ROBO2: variants seen among roughly 807,000 people sequenced by gnomAD.
ROBO2 encodes the protein roundabout guidance receptor 2, also known as roundabout homolog 2.
ROBO2 carries 53 observed loss-of-function variants against 160.8 expected under a neutral mutation model. That is an observed-to-expected ratio of 0.33 (90% CI 0.26 to 0.41). The LOEUF (loss-of-function observed/expected upper bound fraction) is 0.41, where lower values mean the gene tolerates loss of function less well. Ranked by LOEUF, ROBO2 falls within the 10% of genes least tolerant of loss-of-function variation. The pLI is 1.00. For synonymous variants in ROBO2, 664 were observed against 611.7 expected (o/e 1.09, Z -1.26); for missense variants, 1,577 against 1,722.4 (o/e 0.92, Z 1.49).
intron 2 of ROBO2, among the ~76,000 whole-genome samples, chr3:76,279,693 C>T (rs147547757): frequency 0.087 from 13,180 of 151,614 alleles, 1,038 homozygotes; most frequent in African/African-American, 0.2. Flanking sequence ...CTTTAATTAG[C>T]GAATATTAGA....
chr3:76,813,916 A>G (rs575969041), intron 2 of ROBO2, among the ~76,000 whole-genome samples: 2 of 152,190 alleles, frequency 1.3e-5, no homozygotes, highest in Admixed American at 6.6e-5. Context: ...AAGCTTTAAT[A>G]TAATAATATA....
At chr3:76,739,298 C>A (rs1281526346) in intron 2 of ROBO2, among the ~76,000 whole-genome samples, 1 of 152,024 alleles carries the variant, frequency 6.6e-6, no homozygotes, top group Non-Finnish European at 1.5e-5. Flanking sequence ...TACTATGCAG[C>A]CATAAAAAAT....
chr3:76,145,175 C>A (rs2106793696), intron 2 of ROBO2, among the ~76,000 whole-genome samples: 1 of 151,948 alleles, frequency 6.6e-6, no homozygotes, highest in South Asian at 2.1e-4. Context: ...TCTCCCAATG[C>A]AGTAGGCAAA....
intron 2 of ROBO2, among the ~76,000 whole-genome samples, chr3:76,608,522 T>C (rs11924129): frequency 0.33 from 49,499 of 152,028 alleles, 8,896 homozygotes; most frequent in Middle Eastern, 0.44. Context: ...CTAGGATGGT[T>C]TGGACAATCA....
intron 1 of ROBO2, among the ~76,000 whole-genome samples, chr3:77,061,559 G>A (rs745790224): frequency 6.6e-6 from 1 of 152,170 alleles, no homozygotes; most frequent in African/African-American, 2.4e-5. Context: ...TCTTCCTTCT[G>A]TCTGTAGGTC....
chr3:76,815,309 T>C (rs2065566140), intron 2 of ROBO2, among the ~76,000 whole-genome samples: 1 of 152,020 alleles, frequency 6.6e-6, no homozygotes, highest in South Asian at 2.1e-4. Flanking sequence ...CACATCTCTG[T>C]GGAATTTAGG....
At position 76,150,362 on chromosome 3, in the gene ROBO2, A is replaced by G. The variant is rs78488819; in HGVS notation, c.109+212760A>G. On this transcript the variant is annotated intron_variant, in intron 2 of 26. Transcript: ENST00000487694. Reference sequence around the variant, plus strand: ...TGTCTAAAGCACACATCTGTCTAAAACACACATCTGTCTAAAGCACACCTT... The same window carrying G: ...TGTCTAAAGCACACATCTGTCTAAAGCACACATCTGTCTAAAGCACACCTT... Among the ~76,000 whole-genome samples, 26 of 132,038 alleles carry G rather than the reference A, an allele frequency of 2.0e-4. 1 individual carries two copies. The highest frequency in any genetic ancestry group is 3.6e-4 in the Non-Finnish European group (23 of 63,948). The allele number at this position is 132,038 out of a possible 152,430, so 86.6% of individuals were successfully genotyped here.
At chr3:76,528,292 C>T (rs2082048175) in intron 2 of ROBO2, among the ~76,000 whole-genome samples, 1 of 152,016 alleles carries the variant, frequency 6.6e-6, no homozygotes, top group African/African-American at 2.4e-5. Flanking sequence ...GTGAGATGTA[C>T]AGACAGGCAA....
chr3:77,138,951 A>T (rs906636463), intron 2 of ROBO2, among the ~76,000 whole-genome samples: 1 of 152,194 alleles, frequency 6.6e-6, no homozygotes, highest in Non-Finnish European at 1.5e-5. Flanking sequence ...GTTGCAAAGC[A>T]TGAGGGTCTC....
chr3:76,922,331 T>C (rs1018706768), intron 2 of ROBO2, among the ~76,000 whole-genome samples: 19 of 152,244 alleles, frequency 1.2e-4, no homozygotes, highest in African/African-American at 4.6e-4. Flanking sequence ...ATGCCTAATG[T>C]ACAAGTTATG....
At chr3:76,042,291 G>C (rs1286218147) in intron 2 of ROBO2, among the ~76,000 whole-genome samples, 1 of 151,954 alleles carries the variant, frequency 6.6e-6, no homozygotes, top group African/African-American at 2.4e-5. Context: ...TAAGAACTTT[G>C]CTAATAGTTG....
chr3:75,982,835 A>G (rs2065313848), intron 2 of ROBO2, among the ~76,000 whole-genome samples: 1 of 151,430 alleles, frequency 6.6e-6, no homozygotes, highest in African/African-American at 2.4e-5. Flanking sequence ...AAGTCCTCAG[A>G]ATTTAAGATT....
At chr3:76,603,364 A>AT (rs2087382594) in intron 2 of ROBO2, among the ~76,000 whole-genome samples, 1 of 131,400 alleles carries the variant, frequency 7.6e-6, no homozygotes, top group Non-Finnish European at 1.6e-5. Context: ...ATATATATAT[A>AT]TATATATATA....
intron 2 of ROBO2, among the ~76,000 whole-genome samples, chr3:76,272,980 T>TTTATATATAAA (rs1559706804): frequency 9.1e-5 from 6 of 66,178 alleles, no homozygotes; most frequent in Non-Finnish European, 1.6e-4. Flanking sequence ...AAAATATATA[T>TTTATATATAAA]AATATATAAT....
chr3:77,442,196 C>A (rs2080002972), intron 2 of ROBO2, among the ~76,000 whole-genome samples: 1 of 152,024 alleles, frequency 6.6e-6, no homozygotes, highest in Admixed American at 6.6e-5. Context: ...CCTGTAGTCC[C>A]AGCTACTCGG....
At chr3:76,376,357 T>C (rs536146012) in intron 2 of ROBO2, among the ~76,000 whole-genome samples, 10 of 152,212 alleles carry the variant, frequency 6.6e-5, no homozygotes, top group African/African-American at 2.4e-4. Flanking sequence ...CCAGGGTTTG[T>C]CCAAATATAG....
chr3:77,328,074 A>G (rs1468442270), intron 2 of ROBO2, among the ~76,000 whole-genome samples: 2 of 150,722 alleles, frequency 1.3e-5, no homozygotes, highest in Admixed American at 1.3e-4. Flanking sequence ...AAAAAAAAAA[A>G]AAAAAAGAAA....
At chr3:76,303,261 CTA>C (rs1432555157) in intron 2 of ROBO2, among the ~76,000 whole-genome samples, 9 of 152,006 alleles carry the variant, frequency 5.9e-5, no homozygotes, top group African/African-American at 2.2e-4. Context: ...CTTAGGTTAA[CTA>C]TGTGTTAACA....
chr3:77,473,895 G>A (rs1407161525), intron 2 of ROBO2, among the ~76,000 whole-genome samples: 1 of 152,138 alleles, frequency 6.6e-6, no homozygotes, highest in African/African-American at 2.4e-5. Context: ...GAACTGAAGA[G>A]GAAGCCTCAA....
Sources: gnomAD v4.1 joint callset for allele counts (sites outside exome capture counted in the v4.1 genomes callset) on GRCh38, gnomAD v4.1.1 for gene constraint, MANE v1.5 for transcripts, NCBI Gene and HGNC (gene_info 2026-07-23, HGNC 2026-07-21) for gene names.